Variants in GNA12 observed in about 807,000 individuals in gnomAD.
GNA12 encodes the protein guanine nucleotide-binding protein subunit alpha-12.
GNA12 carries 9 observed loss-of-function variants against 26.0 expected under a neutral mutation model. That is an observed-to-expected ratio of 0.35 (90% CI 0.21 to 0.60). The LOEUF is 0.60. Ranked by LOEUF, GNA12 falls within the 20% of genes least tolerant of loss-of-function variation. The pLI, the probability that GNA12 is intolerant of heterozygous loss-of-function variation, is 0.78. For synonymous variants in GNA12, 264 were observed against 219.6 expected, an observed-to-expected ratio of 1.20 and a Z score of -1.79; for missense variants, 405 against 525.8, an observed-to-expected ratio of 0.77 and a Z score of 2.25.
intron 2 of GNA12, among the ~76,000 whole-genome samples, chr7:2,757,187 G>C (rs1406719169): frequency 1.4e-5 from 2 of 145,114 alleles, no homozygotes; most frequent in African/African-American, 5.2e-5. Context: ...CCAGGCTGGA[G>C]TGTAGTGGCA....
At chr7:2,733,353 C>T (rs1235258383) in intron 3 of GNA12, 98 bp downstream of exon 3, 1 of 931,140 alleles carries the variant, frequency 1.1e-6, no homozygotes, top group Non-Finnish European at 1.7e-6. Context: ...CTCGGCCTGT[C>T]AGTCCAGCCA....
At chr7:2,741,995 CATTTAATCTGA>C in intron 2 of GNA12, among the ~76,000 whole-genome samples, 1 of 151,828 alleles carries the variant, frequency 6.6e-6, no homozygotes, top group Admixed American at 6.6e-5. Context: ...TCTTTAGTTT[CATTTAATCTGA>C]AACACTTGAA....
chr7:2,830,618 G>A (rs1453117516), intron 1 of GNA12, among the ~76,000 whole-genome samples: 3 of 152,228 alleles, frequency 2.0e-5, no homozygotes, highest in Non-Finnish European at 4.4e-5. Context: ...AGGGGGATAA[G>A]GGATGGCAGG....
rs543517399 is a variant in GNA12, at chr7:2,797,529, T to C, written c.310-2386A>G. 5.5e-4 allele frequency among the ~76,000 whole-genome samples: 83 copies of C among 152,036 alleles called. 1 individual carries two copies. In the South Asian group the frequency reaches 7.6e-3, roughly 14 times the overall value. ...AACTCATCAATTTGAAGTGTACAAC[T>C]TAATGATTTTTAGTTGGCACTTATC... On this transcript the variant is annotated intron_variant, in intron 1 of 3. Transcript: ENST00000275364.
At chr7:2,770,961 T>C (rs1407363117) in intron 2 of GNA12, among the ~76,000 whole-genome samples, 1 of 152,058 alleles carries the variant, frequency 6.6e-6, no homozygotes, top group African/African-American at 2.4e-5. Context: ...GCAGAGCAAA[T>C]GGACAGGGAA....
chr7:2,814,872 C>G, intron 1 of GNA12: 2 of 1,601,908 alleles, frequency 1.2e-6, no homozygotes, highest in Non-Finnish European at 1.7e-6. Context: ...ACAGCACTCA[C>G]TCACACGACT....
intron 2 of GNA12, among the ~76,000 whole-genome samples, chr7:2,737,270 T>TTC (rs1790240723): frequency 2.1e-5 from 1 of 47,728 alleles, no homozygotes; most frequent in Non-Finnish European, 5.0e-5. Flanking sequence ...CACAGTTTTG[T>TTC]TTTGTTTTTT....
At chr7:2,765,361 G>T (rs1420127217) in intron 2 of GNA12, among the ~76,000 whole-genome samples, 1 of 152,028 alleles carries the variant, frequency 6.6e-6, no homozygotes, top group Non-Finnish European at 1.5e-5. Context: ...AGTAGAGATG[G>T]TGTTAGCCAG....
intron 1 of GNA12, among the ~76,000 whole-genome samples, chr7:2,829,535 T>A (rs933572648): frequency 6.6e-6 from 1 of 152,160 alleles, no homozygotes; most frequent in Non-Finnish European, 1.5e-5. Flanking sequence ...CTATTACTTC[T>A]GCCATTTCCC....
intron 1 of GNA12, among the ~76,000 whole-genome samples, chr7:2,831,282 C>G (rs1284842448): frequency 6.6e-6 from 1 of 151,984 alleles, no homozygotes; most frequent in Non-Finnish European, 1.5e-5. Flanking sequence ...GCCTCCTGGT[C>G]CACATCACTC....
At chr7:2,830,579 G>A (rs918542018) in intron 1 of GNA12, among the ~76,000 whole-genome samples, 1 of 152,186 alleles carries the variant, frequency 6.6e-6, no homozygotes, top group African/African-American at 2.4e-5. Context: ...AAATCCACCA[G>A]TCAAGCAAGT....
chr7:2,813,683 T>C (rs1269935272), intron 1 of GNA12, among the ~76,000 whole-genome samples: 1 of 152,202 alleles, frequency 6.6e-6, no homozygotes, highest in African/African-American at 2.4e-5. Context: ...AGAGTGCAGC[T>C]GGAGGAGCAG....
chr7:2,820,951 G>C (rs938301718), intron 1 of GNA12, among the ~76,000 whole-genome samples: 6 of 152,210 alleles, frequency 3.9e-5, no homozygotes, highest in African/African-American at 1.4e-4. Flanking sequence ...ATGTTGCTCA[G>C]GCTGGTCTTG....
In GNA12 at chr7:2,842,563, G is replaced by C. The variant is rs57028674; in HGVS notation, c.309+1290C>G. On this transcript the variant is annotated intron_variant, in intron 1 of 3. Coordinates refer to ENST00000275364, the MANE Select transcript of GNA12 (RefSeq NM_007353.3). ...TCCTCCTGCCTCAGCTTCCCAAAGT[G>C]CAGGGATTACAGGCACGAGCCATCA... 1.0e-2 allele frequency among the ~76,000 whole-genome samples: 1,521 copies of C among 152,298 alleles called. 31 individuals are homozygous for C. The highest frequency in any genetic ancestry group is 0.035 in the African/African-American group (1,437 of 41,560).
At chr7:2,774,471 G>GGGCCCTGATGGCGCTGGGA (rs1792025766) in intron 2 of GNA12, among the ~76,000 whole-genome samples, 1 of 152,182 alleles carries the variant, frequency 6.6e-6, no homozygotes, top group Admixed American at 6.5e-5. Flanking sequence ...GCAAGCACAA[G>GGGCCCTGATGGCGCTGGGA]GGCCCTGATG....
chr7:2,754,274 C>T (rs1791184251), intron 2 of GNA12, among the ~76,000 whole-genome samples: 2 of 152,182 alleles, frequency 1.3e-5, no homozygotes, highest in South Asian at 4.1e-4. Flanking sequence ...GTGCCATCGG[C>T]ATGTCCTCTT....
chr7:2,799,103 T>C (rs1168456614), intron 1 of GNA12, among the ~76,000 whole-genome samples: 1 of 152,190 alleles, frequency 6.6e-6, no homozygotes, highest in African/African-American at 2.4e-5. Context: ...TGACTCCAAA[T>C]ACATGATTCA....
chr7:2,728,496 T>C lies in GNA12; in HGVS notation c.*2685A>G, dbSNP rs1328444329. 2.0e-5 allele frequency: 3 copies of C among 152,392 alleles called. No homozygotes were observed. Among genetic ancestry groups the C allele is most frequent in the Non-Finnish European group, 4.4e-5 (3 of 68,024 alleles). The allele number at this position is 152,392 out of a possible 1,614,324, so 9.4% of individuals were successfully genotyped here. On this transcript the variant is annotated 3_prime_UTR_variant, in exon 4 of 4. Transcript: ENST00000275364. ...TCTCTACGAACATAAGAGTTAAAAATAGATTTCAGTAAAACCCTATATGCG... is the reference window on the plus strand; with the variant it reads ...TCTCTACGAACATAAGAGTTAAAAACAGATTTCAGTAAAACCCTATATGCG...
At chr7:2,781,449 T>TGTGC (rs397971357) in intron 2 of GNA12, among the ~76,000 whole-genome samples, 1 of 145,066 alleles carries the variant, frequency 6.9e-6, no homozygotes, top group East Asian at 2.0e-4. Context: ...TGTGTGTGTG[T>TGTGC]AGGGTACAAT....
Sources: gnomAD v4.1 joint callset for allele counts (sites outside exome capture counted in the v4.1 genomes callset) on GRCh38, gnomAD v4.1.1 for gene constraint, MANE v1.5 for transcripts, NCBI Gene and HGNC (gene_info 2026-07-23, HGNC 2026-07-21) for gene names.